The following SPNS2 variants were observed in gnomAD, a reference collection of about 807,000 sequenced individuals.
SPNS2 encodes SPNS lysolipid transporter 2, sphingosine-1-phosphate.
A neutral mutation model predicts 57.6 loss-of-function variants in SPNS2; 37 were observed. The ratio of observed to expected loss-of-function variants is 0.64; its 90% CI spans 0.49 to 0.85. The LOEUF (loss-of-function observed/expected upper bound fraction) is 0.85, where lower values mean the gene tolerates loss of function less well. SPNS2 is among the 40% of genes least tolerant of loss of function. The probability of loss-of-function intolerance (pLI) is 0.00; values close to 1 mark genes in which losing one functional copy is unlikely to be tolerated. For synonymous variants in SPNS2, 440 were observed against 346.9 expected (o/e 1.27, Z -2.98); for missense variants, 831 against 779.1 (o/e 1.07, Z -0.79).
chr17:4,537,485 C>T lies in SPNS2; in HGVS notation c.*37C>T, dbSNP rs1162871283. On this transcript the variant is annotated 3_prime_UTR_variant, in exon 13 of 13. Transcript: ENST00000329078. ...TGGGACAATGAAGAACCCACACTCC[C>T]ACCTCGTCTGGGAGGTGTCCTACAG... 2 of 456,454 alleles carry T rather than the reference C, an allele frequency of 4.4e-6. No individual in the cohort carries two copies. The highest frequency in any genetic ancestry group is 8.8e-6 in the Non-Finnish European group (2 of 226,824). 28.3% of individuals were successfully genotyped at this position (456,454 alleles called of 1,614,324 possible).
At chr17:4,534,898 C>T (rs1022283849) in intron 9 of SPNS2, among the ~76,000 whole-genome samples, 45 of 152,248 alleles carry the variant, frequency 3.0e-4, no homozygotes, top group Middle Eastern at 3.4e-3. Context: ...CGCCTGACAG[C>T]TGCCGGCAGG....
At chr17:4,536,784 A>G (rs1905841157) in intron 11 of SPNS2, 116 bp from the exon 12 acceptor site, 1 of 831,412 alleles carries the variant, frequency 1.2e-6, no homozygotes. Context: ...GGGGCTGACG[A>G]GGTCCCTGCC....
chr17:4,500,787 C>T (rs998008599), intron 1 of SPNS2, among the ~76,000 whole-genome samples: 2 of 152,096 alleles, frequency 1.3e-5, no homozygotes, highest in African/African-American at 4.8e-5. Flanking sequence ...GATGGGAGGG[C>T]AGAGGCTTCC....
intron 3 of SPNS2, among the ~76,000 whole-genome samples, chr17:4,530,070 C>G (rs1162047503): frequency 1.3e-5 from 2 of 152,174 alleles, no homozygotes; most frequent in Non-Finnish European, 2.9e-5. Context: ...TGGCAGGGCC[C>G]CACCCTTCCC....
intron 12 of SPNS2, 90 bp downstream of exon 12, chr17:4,537,036 ACCT>A: frequency 1.4e-6 from 2 of 1,387,388 alleles, no homozygotes; most frequent in Non-Finnish European, 2.0e-6. Context: ...CTCCAGAGTC[ACCT>A]CCTACCCCAG....
At chr17:4,513,487 A>C (rs1226991579) in intron 2 of SPNS2, among the ~76,000 whole-genome samples, 175 bp downstream of exon 2, 1 of 152,140 alleles carries the variant, frequency 6.6e-6, no homozygotes, top group African/African-American at 2.4e-5. Flanking sequence ...TGCTTCTCTG[A>C]GCCTCTGCTG....
chr17:4,526,914 T>C (rs4790201), intron 3 of SPNS2, among the ~76,000 whole-genome samples: 20,242 of 152,156 alleles, frequency 0.13, 2,379 homozygotes, highest in East Asian at 0.56. Context: ...CAGAGCCTGG[T>C]GGCCACAGTC....
At chr17:4,532,920 G>C in intron 6 of SPNS2, 57 bp from the exon 7 acceptor site, 1 of 1,573,232 alleles carries the variant, frequency 6.4e-7, no homozygotes, top group Non-Finnish European at 8.6e-7. Flanking sequence ...GCATGGGGCT[G>C]CCTAGGGGGG....
intron 9 of SPNS2, among the ~76,000 whole-genome samples, chr17:4,534,172 C>G (rs967244948): frequency 6.6e-6 from 1 of 152,160 alleles, no homozygotes; most frequent in South Asian, 2.1e-4. Flanking sequence ...CCGCCCTCCT[C>G]CCCCCGCTGG....
chr17:4,528,045 G>A (rs190311809), intron 3 of SPNS2, among the ~76,000 whole-genome samples: 12 of 150,976 alleles, frequency 7.9e-5, no homozygotes, highest in East Asian at 5.8e-4. Context: ...TTTTTTAGAC[G>A]GAGTTTCGCT....
At chr17:4,515,729 A>T (rs899443) in intron 2 of SPNS2, among the ~76,000 whole-genome samples, 68,583 of 152,144 alleles carry the variant, frequency 0.45, 16,956 homozygotes, top group East Asian at 0.85. Flanking sequence ...GGAGGGCGCC[A>T]GCCAGGTGTT....
At chr17:4,526,448 C>T (rs1905264039) in intron 3 of SPNS2, among the ~76,000 whole-genome samples, 1 of 152,032 alleles carries the variant, frequency 6.6e-6, no homozygotes, top group African/African-American at 2.4e-5. Flanking sequence ...ACTAAAAATA[C>T]AAAAATTAGC....
chr17:4,500,090 CT>C (rs113452583), intron 1 of SPNS2, among the ~76,000 whole-genome samples: 1 of 152,214 alleles, frequency 6.6e-6, no homozygotes, highest in African/African-American at 2.4e-5. Context: ...ACGCCTCCCC[CT>C]GCTCTATGGT....
rs1489844457 is a variant in SPNS2 at position 4,536,059 on chromosome 17, G to C, written c.1345-17G>C. On this transcript the variant is annotated splice_polypyrimidine_tract_variant and intron_variant, in intron 9 of 12. Coordinates refer to ENST00000329078, the MANE Select transcript of SPNS2 (RefSeq NM_001124758.3). The stretch of plus-strand genomic sequence containing the variant: ...GCCTTTCTCCTCTGGCCGCTGACCT[G>C]CCCGCCTGTTCCGCAGTACGTGGTC... 1.2e-6 allele frequency: 2 copies of C among 1,605,658 alleles called. No individual in the cohort carries two copies. Among genetic ancestry groups the C allele is most frequent in the Non-Finnish European group, 1.7e-6 (2 of 1,177,310 alleles).
At chr17:4,515,815 C>G (rs535227987) in intron 2 of SPNS2, among the ~76,000 whole-genome samples, 1 of 152,334 alleles carries the variant, frequency 6.6e-6, no homozygotes, top group African/African-American at 2.4e-5. Flanking sequence ...GGCTGCTGGG[C>G]CAGGAGACAG....
chr17:4,506,955 T>C (rs1904695491), intron 1 of SPNS2, among the ~76,000 whole-genome samples: 1 of 152,134 alleles, frequency 6.6e-6, no homozygotes, highest in African/African-American at 2.4e-5. Flanking sequence ...GATCACAGCC[T>C]CCTGCGGGCA....
intron 2 of SPNS2, among the ~76,000 whole-genome samples, chr17:4,517,596 C>T (rs760935388): frequency 6.6e-6 from 1 of 152,018 alleles, no homozygotes; most frequent in Non-Finnish European, 1.5e-5. Context: ...GTGGAGGTTG[C>T]AGTGAGCCAA....
At chr17:4,520,533 A>G (rs1397964008) in intron 2 of SPNS2, among the ~76,000 whole-genome samples, 1 of 152,012 alleles carries the variant, frequency 6.6e-6, no homozygotes, top group African/African-American at 2.4e-5. Flanking sequence ...GCCGCCTTCT[A>G]AACACCAAAC....
intron 3 of SPNS2, among the ~76,000 whole-genome samples, chr17:4,526,769 G>C (rs1905272396): frequency 6.6e-6 from 1 of 152,182 alleles, no homozygotes; most frequent in Non-Finnish European, 1.5e-5. Flanking sequence ...GGCGGGGTCA[G>C]ATTTGGGTTG....
Sources: gnomAD v4.1 joint callset for allele counts (sites outside exome capture counted in the v4.1 genomes callset) on GRCh38, gnomAD v4.1.1 for gene constraint, MANE v1.5 for transcripts, NCBI Gene and HGNC (gene_info 2026-07-23, HGNC 2026-07-21) for gene names.